Variants in TAAR9 observed in about 807,000 individuals in gnomAD.
TAAR9 encodes trace amine associated receptor 9, also known as trace amine-associated receptor 9.
For synonymous variants in TAAR9, 162 were observed against 152.6 expected (o/e 1.06, Z -0.45); for missense variants, 453 against 409.4 (o/e 1.11, Z -0.92).
Position 132,538,883 on chromosome 6 carries a change from G to T in TAAR9, c.594G>T (p.Trp198Cys), listed in dbSNP as rs745969033. ...GCCAGGCTCCACTGAATCAAAACTGGGTCCTACTTTGTTTTCTTCTATTCT... is the reference window on the plus strand; with the variant it reads ...GCCAGGCTCCACTGAATCAAAACTGTGTCCTACTTTGTTTTCTTCTATTCT... The change falls in exon 1 of 1, where the codon TGG becomes TGT. Residue 198 changes from tryptophan to cysteine, a missense_variant. Coordinates refer to ENST00000434551, the Ensembl canonical transcript of TAAR9. 6.0e-5 allele frequency: 96 copies of T among 1,610,722 alleles called. 3 individuals carry two copies. The South Asian group carries it at 1.0e-3, about 17-fold the overall frequency.
At chr6:132,538,731 G>T in exon 1 of TAAR9, 2 of 1,613,796 alleles carry the variant, frequency 1.2e-6, no homozygotes, top group Non-Finnish European at 1.7e-6. Context: ...TACTGTGTCA[G>T]TTTCAGGGAT....
exon 1 of TAAR9, chr6:132,538,987 G>A: frequency 1.3e-6 from 2 of 1,534,402 alleles, no homozygotes; most frequent in Non-Finnish European, 1.7e-6. Flanking sequence ...AAGATAGAAA[G>A]TACAGCCAGC....
chr6:132,538,501 T>A, exon 1 of TAAR9: 1 of 1,613,028 alleles, frequency 6.2e-7, no homozygotes, highest in Non-Finnish European at 8.5e-7. Context: ...AACTTTCTGA[T>A]TGCGTCGCTG....
exon 1 of TAAR9, chr6:132,539,285 G>A: frequency 6.2e-7 from 1 of 1,612,608 alleles, no homozygotes; most frequent in Non-Finnish European, 8.5e-7. Context: ...AGGTCTTAAG[G>A]ACTGATTCGT....
At chr6:132,538,398 G>A (rs1185261467) in exon 1 of TAAR9, 6 of 1,613,524 alleles carry the variant, frequency 3.7e-6, no homozygotes, top group African/African-American at 1.3e-5. Context: ...TATCCTCTAC[G>A]CCGTCCTTGG....
exon 1 of TAAR9, chr6:132,538,864 C>A (rs1562353017): frequency 6.2e-7 from 1 of 1,613,072 alleles, no homozygotes; most frequent in Admixed American, 1.7e-5. Flanking sequence ...GGCTGCCAGG[C>A]TCCACTGAAT....
chr6:132,538,912 T>C, exon 1 of TAAR9: 1 of 1,599,780 alleles, frequency 6.3e-7, no homozygotes, highest in Non-Finnish European at 8.5e-7. Context: ...CTATTCTTTA[T>C]ACCCAATGTC....
exon 1 of TAAR9, chr6:132,538,508 G>A (rs1478177458): frequency 8.7e-6 from 14 of 1,612,000 alleles, no homozygotes; most frequent in Non-Finnish European, 1.1e-5. Flanking sequence ...TGATTGCGTC[G>A]CTGGCCTGTG....
chr6:132,538,430 G>A (rs368138460), exon 1 of TAAR9: 16 of 1,613,520 alleles, frequency 9.9e-6, no homozygotes, highest in East Asian at 4.5e-5. Context: ...TGCTGGCAGC[G>A]TTTGGAAACT....
At position 132,539,060 on chromosome 6, in the gene TAAR9, CA is replaced by C; in HGVS notation, c.775del (p.Thr259ProfsTer21). 1 of 1,531,240 alleles carries C rather than the reference CA, an allele frequency of 6.5e-7. No individual in the cohort carries two copies. Among genetic ancestry groups the C allele is most frequent in the Non-Finnish European group, 8.7e-7 (1 of 1,144,574 alleles). 94.9% of individuals were successfully genotyped at this position (1,531,240 alleles called of 1,614,324 possible). A position where few individuals can be genotyped will look rare whatever the true frequency, so the allele number is the denominator to read the frequency against. ...TAGCAAAAAGAGAGAGAAAGGCTGCCAAAACCTTGGGAATTGCTATGGCAGC... is the reference window on the plus strand; with the variant it reads ...TAGCAAAAAGAGAGAGAAAGGCTGCCAAACCTTGGGAATTGCTATGGCAGC... On this transcript the variant is annotated frameshift_variant, in exon 1 of 1. Transcript: ENST00000434551. LOFTEE classifies it low-confidence loss of function (END_TRUNC).
rs778366456 is a variant in TAAR9 at position 132,538,666 on chromosome 6, T to C, written c.377T>C (p.Ile126Thr). The change falls in exon 1 of 1, where the codon ATC becomes ACC. Residue 126 changes from isoleucine (I) to threonine (T), a missense_variant. Ile to Thr is a moderately conservative substitution (Grantham distance 89). Coordinates refer to ENST00000434551, the Ensembl canonical transcript of TAAR9. ...GCTTCTTTATTTCATTTATGCTGTA[T>C]CTCTGTTGATAGATACATTGCTGTT... 7 of 1,608,774 alleles carry C rather than the reference T, an allele frequency of 4.4e-6. No homozygotes were observed. The East Asian group carries it at 6.7e-5, about 15-fold the overall frequency.
chr6:132,539,039 A>G (rs1218927713), exon 1 of TAAR9: 1 of 1,529,138 alleles, frequency 6.5e-7, no homozygotes, highest in Non-Finnish European at 8.7e-7. Flanking sequence ...AAAGAGTAGC[A>G]AAAAGAGAGA....
rs375254047 is a variant in TAAR9, at chr6:132,539,021, T to C, written c.732T>C (p.Ser244=). The C allele has an allele frequency of 9.3e-5, 142 of 1,529,250 alleles. No individual in the cohort carries two copies. In the Middle Eastern group the frequency reaches 1.1e-3, roughly 11 times the overall value. 94.7% of individuals were successfully genotyped at this position (1,529,250 alleles called of 1,614,324 possible). The change falls in exon 1 of 1, where the codon AGT becomes AGC. Residue 244 remains serine, a synonymous_variant. Transcript: ENST00000434551. ...GCCAAGCTCAGTCCTCCTCAGAGAGTTACAAGGAAAGAGTAGCAAAAAGAG... is the reference window on the plus strand; with the variant it reads ...GCCAAGCTCAGTCCTCCTCAGAGAGCTACAAGGAAAGAGTAGCAAAAAGAG...
chr6:132,539,067 T>C, exon 1 of TAAR9: 1 of 1,532,804 alleles, frequency 6.5e-7, no homozygotes, highest in Non-Finnish European at 8.7e-7. Context: ...TGCCAAAACC[T>C]TGGGAATTGC....
At chr6:132,539,034 G>A in exon 1 of TAAR9, 1 of 1,529,020 alleles carries the variant, frequency 6.5e-7, no homozygotes, top group Non-Finnish European at 8.7e-7. Flanking sequence ...CAAGGAAAGA[G>A]TAGCAAAAAG....
In TAAR9 at chr6:132,538,775, A is replaced by G. The variant is rs1335217706; in HGVS notation, c.486A>G (p.Thr162=). The change falls in exon 1 of 1, where the codon ACA becomes ACG. Residue 162 remains threonine (T), a synonymous_variant. Transcript: ENST00000434551. ...TTCTTTCCTGGTTCTTTTCTGTCAC[A>G]TACAGCTTTTCGATCTTTTACACGG... 19 of 1,613,828 alleles carry G rather than the reference A, an allele frequency of 1.2e-5. No homozygotes were observed. The Middle Eastern group carries it at 5.0e-4, about 42-fold the overall frequency.
At chr6:132,538,670 T>C in exon 1 of TAAR9, 1 of 1,610,348 alleles carries the variant, frequency 6.2e-7, no homozygotes, top group Non-Finnish European at 8.5e-7. Context: ...GCTGTATCTC[T>C]GTTGATAGAT....
chr6:132,539,142 A>T (rs918581265), exon 1 of TAAR9: 11 of 1,575,046 alleles, frequency 7.0e-6, no homozygotes, highest in Non-Finnish European at 9.4e-6. Context: ...TGCTTATATG[A>T]ATTTTATAAC....
At chr6:132,539,104 T>C in exon 1 of TAAR9, 1 of 1,550,342 alleles carries the variant, frequency 6.5e-7, no homozygotes, top group South Asian at 1.3e-5. Flanking sequence ...GTCTCTTGGC[T>C]ACCATACCTC....
Sources: gnomAD v4.1 joint callset for allele counts on GRCh38, gnomAD v4.1.1 for gene constraint, MANE v1.5 for transcripts, NCBI Gene and HGNC (gene_info 2026-07-23, HGNC 2026-07-21) for gene names.